RBBP8NL: variants seen among roughly 807,000 people sequenced by gnomAD.
The protein encoded by RBBP8NL is RBBP8 N-terminal like.
A neutral mutation model predicts 62.2 loss-of-function variants in RBBP8NL; 59 were observed. The ratio of observed to expected loss-of-function variants is 0.95; its 90% CI spans 0.77 to 1.18. RBBP8NL has a LOEUF of 1.18. RBBP8NL is among the 50% of genes most tolerant of loss of function. The pLI, the probability that RBBP8NL is intolerant of heterozygous loss-of-function variation, is 0.00. For synonymous variants in RBBP8NL, 412 were observed against 394.1 expected (o/e 1.05, Z -0.54); for missense variants, 896 against 899.5 (o/e 1.00, Z 0.05).
chr20:62,416,636 T>TC, intron 5 of RBBP8NL, 124 bp downstream of exon 5: 2 of 665,738 alleles, frequency 3.0e-6, no homozygotes. Context: ...GTTGTGAGGT[T>TC]CCCCCAGTGG....
intron 2 of RBBP8NL, 118 bp from the exon 3 acceptor site, chr20:62,418,583 G>T: frequency 9.5e-7 from 1 of 1,047,284 alleles, no homozygotes; most frequent in Non-Finnish European, 1.4e-6. Context: ...TGCACCCCCT[G>T]GGGGAGCCCT....
chr20:62,419,446 G>T (rs2146442865), intron 2 of RBBP8NL, 141 bp downstream of exon 2: 4 of 857,344 alleles, frequency 4.7e-6, no homozygotes, highest in Admixed American at 2.4e-5. Flanking sequence ...GGACTCCCCT[G>T]CCTGGGCCAA....
At chr20:62,420,138 G>C (rs1435897402) in intron 1 of RBBP8NL, among the ~76,000 whole-genome samples, 1 of 152,134 alleles carries the variant, frequency 6.6e-6, no homozygotes, top group Non-Finnish European at 1.5e-5. Flanking sequence ...GCAAGAGCTG[G>C]ATGGTGCTGG....
rs1399179105 is a variant in RBBP8NL at position 62,421,612 on chromosome 20, A to G, written c.-83-1882T>C. Among the ~76,000 whole-genome samples, 3 of 124,802 alleles carry G rather than the reference A, an allele frequency of 2.4e-5. No homozygotes were observed. The East Asian group carries it at 7.2e-4, about 30-fold the overall frequency. The allele number at this position is 124,802 out of a possible 152,430, so 81.9% of individuals were successfully genotyped here. On this transcript the variant is annotated intron_variant, in intron 1 of 13. Transcript: ENST00000252998. ...GTGTGCATGTGTGTGGCATGTGTGC[A>G]TGATAGGCAGTGTGCATGTGTGTGT...
At chr20:62,421,292 G>A (rs1361950996) in intron 1 of RBBP8NL, among the ~76,000 whole-genome samples, 1 of 151,860 alleles carries the variant, frequency 6.6e-6, no homozygotes, top group East Asian at 1.9e-4. Context: ...GTGTGCGTGT[G>A]TGTGTGCCAT....
chr20:62,411,115 G>C, intron 13 of RBBP8NL, 119 bp from the exon 14 acceptor site: 5 of 695,420 alleles, frequency 7.2e-6, no homozygotes, highest in Non-Finnish European at 1.3e-5. Context: ...GCTTGGGGAA[G>C]TTTGCTGGCC....
intron 13 of RBBP8NL, among the ~76,000 whole-genome samples, chr20:62,411,646 G>T (rs574445450): frequency 6.6e-6 from 1 of 152,238 alleles, no homozygotes; most frequent in Non-Finnish European, 1.5e-5. Context: ...TGGCTCTGGC[G>T]CTGAGCTGTG....
chr20:62,414,452 A>T lies in RBBP8NL; in HGVS notation c.899T>A (p.Leu300His). 6.7e-7 allele frequency: 1 copy of T among 1,498,200 alleles called. No homozygotes were observed. 92.8% of individuals were successfully genotyped at this position (1,498,200 alleles called of 1,614,324 possible). A position where few individuals can be genotyped will look rare whatever the true frequency, so the allele number is the denominator to read the frequency against. The change falls in exon 10 of 14, where the codon CTT (leucine) becomes CAT (histidine). Residue 300 changes from leucine (L) to histidine (H), a missense_variant. Transcript: ENST00000252998. ...CLLNRPLSLH[L>H]QSPHSSPLAP... ...CAGGGGGCTGCTGTGGGGGCTCTGA[A>T]GGTGCAGGGACAGGGGGCGGTTTAG... is the stretch of plus-strand genomic sequence containing the variant.
At position 62,412,609 on chromosome 20, in the gene RBBP8NL, C is replaced by T; in HGVS notation, c.1876+15G>A. 6.2e-7 allele frequency: 1 copy of T among 1,601,410 alleles called. No homozygotes were observed. On this transcript the variant is annotated intron_variant, in intron 13 of 13. Coordinates refer to ENST00000252998, the MANE Select transcript of RBBP8NL (RefSeq NM_080833.3). ...CCTCGCCCCCTTCCCTGCACCTGCC[C>T]CATGCCAGCTGTACCTTTGTCCCCA...
At chr20:62,417,953 C>T (rs201316220) in intron 3 of RBBP8NL, among the ~76,000 whole-genome samples, 2,245 of 74,572 alleles carry the variant, frequency 0.03, 196 homozygotes, top group East Asian at 0.11. Flanking sequence ...CTGCACGCTC[C>T]TCTGTGACGT....
At chr20:62,426,395 T>G (rs113213292) in intron 1 of RBBP8NL, among the ~76,000 whole-genome samples, 5 of 152,238 alleles carry the variant, frequency 3.3e-5, no homozygotes, top group Admixed American at 6.5e-5. Flanking sequence ...CCTGTCCACC[T>G]CCTGGCTGCC....
rs746699266 is a variant in RBBP8NL, at chr20:62,411,007, TGGCCGGAGGTCA to T, written c.1877-23_1877-12del. Reference sequence around the variant, plus strand: ...ATGGCTTTTTGGAGGCTATGGGAAGTGGCCGGAGGTCAGGCCGGAGCTGTGTGCCTTCCTTTG... The same window carrying T: ...ATGGCTTTTTGGAGGCTATGGGAAGTGGCCGGAGCTGTGTGCCTTCCTTTG... On this transcript the variant is annotated splice_polypyrimidine_tract_variant and intron_variant, in intron 13 of 13. Coordinates refer to ENST00000252998, the MANE Select transcript of RBBP8NL (RefSeq NM_080833.3). The T allele has an allele frequency of 7.0e-6, 11 of 1,569,438 alleles. No individual in the cohort carries two copies. In the African/African-American group the frequency reaches 9.4e-5, roughly 13 times the overall value.
chr20:62,418,570 C>T (rs938640437), intron 2 of RBBP8NL, 105 bp from the exon 3 acceptor site: 3 of 1,144,442 alleles, frequency 2.6e-6, no homozygotes, highest in African/African-American at 3.0e-5. Flanking sequence ...CACTCCTGTC[C>T]CCTGCACCCC....
At position 62,417,255 on chromosome 20, in the gene RBBP8NL, G is replaced by T; in HGVS notation, c.169C>A (p.Leu57Met). ...NHQLREQQKTLKENLRVLENR... is the reference protein window; with the variant it reads ...NHQLREQQKTMKENLRVLENR... ...TCCAGCACCCGCAGGTTCTCCTTCA[G>T]TGTCTTCTGCTGTTCCCGGAGCTGG... Residue 57 changes from leucine to methionine, a missense_variant, in exon 4 of 14, where the codon CTG (leucine) becomes ATG (methionine). Physicochemically the swap from Leu to Met is conservative, Grantham distance 15 (BLOSUM62 2). Coordinates refer to ENST00000252998, the MANE Select transcript of RBBP8NL (RefSeq NM_080833.3). 1 of 1,606,722 alleles carries T rather than the reference G, an allele frequency of 6.2e-7. No homozygotes were observed. Among genetic ancestry groups the T allele is most frequent in the Admixed American group, 1.7e-5 (1 of 59,134 alleles).
chr20:62,416,272 T>TGGGGGG, intron 5 of RBBP8NL, 36 bp from the exon 6 acceptor site: 1 of 322,530 alleles, frequency 3.1e-6, no homozygotes, highest in Non-Finnish European at 5.8e-6. Flanking sequence ...CAGCCAGGGG[T>TGGGGGG]TGGGGGGGAC....
intron 1 of RBBP8NL, among the ~76,000 whole-genome samples, chr20:62,425,477 C>T (rs1988784583): frequency 6.6e-6 from 1 of 152,248 alleles, no homozygotes; most frequent in East Asian, 1.9e-4. Flanking sequence ...GCCTCCCACA[C>T]ACAGGCCAGG....
intron 1 of RBBP8NL, among the ~76,000 whole-genome samples, chr20:62,426,205 TTAGCAG>T (rs1988805697): frequency 6.7e-6 from 1 of 150,212 alleles, no homozygotes; most frequent in Admixed American, 6.6e-5. Flanking sequence ...GGCAGTGGCA[TTAGCAG>T]TGGCAGTGGC....
At chr20:62,415,355 C>A in intron 8 of RBBP8NL, 68 bp from the exon 9 acceptor site, 2 of 1,486,566 alleles carry the variant, frequency 1.3e-6, no homozygotes, top group South Asian at 2.6e-5. Flanking sequence ...CTGCCATAGC[C>A]TCTGCTGCCT....
chr20:62,416,753 G>A lies in RBBP8NL; in HGVS notation c.313+7C>T, dbSNP rs376390826. ...AGGACCCCGGTTGTCTGGTGGGTGG[G>A]GCTCACTGAGGATGAAGATGCGCTG... On this transcript the variant is annotated splice_region_variant and intron_variant, in intron 5 of 13. Transcript: ENST00000252998. The A allele has an allele frequency of 6.4e-7, 1 of 1,566,526 alleles. No homozygotes were observed. The highest frequency in any genetic ancestry group is 1.2e-5 in the South Asian group (1 of 86,006).
Sources: gnomAD v4.1 joint callset for allele counts (sites outside exome capture counted in the v4.1 genomes callset) on GRCh38, gnomAD v4.1.1 for gene constraint, MANE v1.5 for transcripts, NCBI Gene and HGNC (gene_info 2026-07-23, HGNC 2026-07-21) for gene names.